ABCA9: variants seen among roughly 807,000 people sequenced by gnomAD.
ABCA9 encodes the protein ATP binding cassette subfamily A member 9.
Under a neutral mutation model 205.3 loss-of-function variants are expected in ABCA9, and 183 were observed. The ratio of observed to expected loss-of-function variants is 0.89; its 90% CI spans 0.79 to 1.01. ABCA9 has a LOEUF of 1.01. ABCA9 is among the 50% of genes least tolerant of loss of function. The probability of loss-of-function intolerance (pLI) is 0.00; values close to 1 mark genes in which losing one functional copy is unlikely to be tolerated. For missense variants in ABCA9, 1,805 were observed against 1,912.4 expected, an observed-to-expected ratio of 0.94 and a Z score of 1.05; for synonymous variants, 651 against 683.3, an observed-to-expected ratio of 0.95 and a Z score of 0.74.
chr17:69,035,459 T>C, intron 7 of ABCA9, 28 bp from the exon 8 acceptor site: 2 of 1,523,502 alleles, frequency 1.3e-6, no homozygotes, highest in East Asian at 2.3e-5. Context: ...CTTCAGCTGG[T>C]ATATAATTCT....
the ABCA9 span, chr17:69,078,666 T>C: frequency 5.0e-6 from 1 of 200,738 alleles, no homozygotes; most frequent in Non-Finnish European, 9.9e-6. Context: ...CAAGAGAATG[T>C]TTTGTAAAAG....
At chr17:69,028,476 A>G in intron 12 of ABCA9, 59 bp downstream of exon 12, 1 of 1,238,554 alleles carries the variant, frequency 8.1e-7, no homozygotes, top group Non-Finnish European at 1.1e-6. Flanking sequence ...CAGTTAAATA[A>G]TTAAATGCAT....
intron 37 of ABCA9, among the ~76,000 whole-genome samples, chr17:68,978,956 G>A (rs1467459963): frequency 1.3e-5 from 2 of 151,984 alleles, no homozygotes; most frequent in Non-Finnish European, 2.9e-5. Flanking sequence ...GCAGGAGAAG[G>A]AAATAAAGGG....
At chr17:69,078,189 T>A in the ABCA9 span, among the ~76,000 whole-genome samples, 2 of 145,970 alleles carry the variant, frequency 1.4e-5, no homozygotes, top group East Asian at 4.2e-4. Flanking sequence ...ACTTGTGAGG[T>A]TTTTTGGTTT....
At position 69,033,713 on chromosome 17, in the gene ABCA9, T is replaced by G. The variant is rs773822789; in HGVS notation, c.1276+13A>C. ...TTGAAATTGTGTTAAATTACAGCCA[T>G]GTTAGTACTTACCGGGCAAAATTTT... On this transcript the variant is annotated intron_variant, in intron 9 of 38. Transcript: ENST00000340001. 1 of 1,595,518 alleles carries G rather than the reference T, an allele frequency of 6.3e-7. No homozygotes were observed. Among genetic ancestry groups the G allele is most frequent in the Non-Finnish European group, 8.6e-7 (1 of 1,167,340 alleles).
intron 15 of ABCA9, 95 bp downstream of exon 15, chr17:69,026,881 C>A: frequency 1.4e-6 from 2 of 1,443,678 alleles, no homozygotes; most frequent in Admixed American, 4.2e-5. Flanking sequence ...TGGGCCATGG[C>A]AGTTCCAGGG....
At chr17:68,989,256 T>TCTGTCACA (rs138281321) in intron 30 of ABCA9, 138 bp from the exon 31 acceptor site, 1 of 241,064 alleles carries the variant, frequency 4.1e-6, no homozygotes, top group East Asian at 6.5e-5. Flanking sequence ...TCTCTCTCTC[T>TCTGTCACA]CACACACACA....
rs560943194 is a variant in ABCA9, at chr17:68,982,601, C to T, written c.4681G>A (p.Val1561Met). 3.2e-5 allele frequency: 52 copies of T among 1,614,004 alleles called. No homozygotes were observed. Among genetic ancestry groups the T allele is most frequent in the Non-Finnish European group, 4.1e-5 (48 of 1,179,990 alleles). The part of the protein sequence containing the change: ...LMVYKLPVED[V>M]RPLSQAFFKL... The stretch of plus-strand genomic sequence containing the variant: ...AAGAAAGCCTGTGATAAAGGTCGCA[C>T]ATCCTCAACAGGCAACTTATAGACC... Residue 1561 changes from valine to methionine, a missense_variant, in exon 37 of 39, where the codon GTG (valine) becomes ATG (methionine). Val to Met is a conservative substitution (Grantham distance 21). Coordinates refer to ENST00000340001, the MANE Select transcript of ABCA9 (RefSeq NM_080283.4).
In ABCA9 at chr17:69,020,397, A is replaced by G. The variant is rs201594953; in HGVS notation, c.2591T>C (p.Leu864Pro). The G allele has an allele frequency of 3.7e-5, 59 of 1,613,094 alleles. 1 individual carries two copies. In the Middle Eastern group the frequency reaches 2.5e-3, roughly 68 times the overall value. Residue 864 changes from leucine (L) to proline (P), a missense_variant, in exon 19 of 39, where the codon CTG becomes CCG. Transcript: ENST00000340001. ...ACACTCAGATACTCACATAGTCCAC[A>G]GGCTTTTTCTTTCTTTCTTTAACTT... is the stretch of plus-strand genomic sequence containing the variant. The part of the protein sequence containing the change: ...FLKLKKERKS[L>P]WTILLLFGIS...
At chr17:68,976,313 A>G in intron 37 of ABCA9, 123 bp from the exon 38 acceptor site, 1 of 821,184 alleles carries the variant, frequency 1.2e-6, no homozygotes, top group Non-Finnish European at 2.0e-6. Flanking sequence ...AAGTATTCTT[A>G]GACTAAATAT....
intron 19 of ABCA9, among the ~76,000 whole-genome samples, chr17:69,018,923 T>C (rs898563419): frequency 6.6e-6 from 1 of 152,140 alleles, no homozygotes; most frequent in African/African-American, 2.4e-5. Flanking sequence ...GGCATATCAC[T>C]AACACCCATA....
chr17:68,978,753 C>A lies in ABCA9; in HGVS notation c.4721-2563G>T, dbSNP rs1381792558. ...GCTTAGTTTGGCTGAATATGAAATT[C>A]TCTCAATAAATTAGGTATTGATGGG... On this transcript the variant is annotated intron_variant, in intron 37 of 38. Transcript: ENST00000340001. 2.0e-5 allele frequency among the ~76,000 whole-genome samples: 3 copies of A among 152,148 alleles called. No individual in the cohort carries two copies. In the East Asian group the frequency reaches 5.8e-4, roughly 29 times the overall value.
intron 10 of ABCA9, 44 bp downstream of exon 10, chr17:69,032,064 T>A (rs1187113078): frequency 6.4e-7 from 1 of 1,555,876 alleles, no homozygotes; most frequent in African/African-American, 1.4e-5. Context: ...ATCCCCAGTC[T>A]CTGCCTGTTC....
the ABCA9 span, among the ~76,000 whole-genome samples, chr17:69,075,503 C>G: frequency 6.6e-6 from 1 of 152,078 alleles, no homozygotes; most frequent in African/African-American, 2.4e-5. Flanking sequence ...AATACGGAGT[C>G]CTTTCCCGAT....
At chr17:68,999,126 T>C (rs116817286) in intron 25 of ABCA9, among the ~76,000 whole-genome samples, 5 of 143,486 alleles carry the variant, frequency 3.5e-5, no homozygotes, top group African/African-American at 1.5e-4. Context: ...ATCTTTTTAT[T>C]ATTATTATTA....
In ABCA9 at chr17:68,990,685, G is replaced by A. The variant is rs1414384241; in HGVS notation, c.3837+152C>T. On this transcript the variant is annotated intron_variant, in intron 29 of 38. Coordinates refer to ENST00000340001, the MANE Select transcript of ABCA9 (RefSeq NM_080283.4). The stretch of plus-strand genomic sequence containing the variant: ...GTGTTTTCTTTGCTCTCTTACATTT[G>A]TGGGCCTTGCATACCTGCTGAAGTC... 1.8e-5 allele frequency: 15 copies of A among 844,576 alleles called. No homozygotes were observed. The Admixed American group carries it at 4.1e-4, about 23-fold the overall frequency. 52.3% of individuals were successfully genotyped at this position (844,576 alleles called of 1,614,324 possible). A position where few individuals can be genotyped will look rare whatever the true frequency, so the allele number is the denominator to read the frequency against.
upstream of ABCA9, among the ~76,000 whole-genome samples, chr17:69,061,743 C>A (rs966096116): frequency 1.3e-5 from 2 of 151,000 alleles, no homozygotes; most frequent in Non-Finnish European, 2.9e-5. Context: ...AGATGCCATT[C>A]TGTCTATTTT....
In ABCA9 at chr17:69,035,717, G is replaced by A; in HGVS notation, c.885C>T (p.Val295=). The A allele has an allele frequency of 1.9e-6, 3 of 1,613,626 alleles. No individual in the cohort carries two copies. The highest frequency in any genetic ancestry group is 4.5e-5 in the East Asian group (2 of 44,788). Residue 295 remains valine, a synonymous_variant, in exon 7 of 39, where the codon GTC becomes GTT. Transcript: ENST00000340001. ...AGACCATCACAAAACCAGTCAGGAC[G>A]ACAATTTGTGCAGATTTTACAATAA... ...MALIVKSAQI[V]VLTGFVMVFT... is the part of the protein sequence containing the mutation.
intron 6 of ABCA9, among the ~76,000 whole-genome samples, chr17:69,041,001 T>G (rs2071517577): frequency 1.3e-5 from 2 of 151,872 alleles, no homozygotes; most frequent in East Asian, 1.9e-4. Flanking sequence ...TATATAATCC[T>G]GAGAGGTAGT....
Sources: gnomAD v4.1 joint callset for allele counts (sites outside exome capture counted in the v4.1 genomes callset) on GRCh38, gnomAD v4.1.1 for gene constraint, MANE v1.5 for transcripts, NCBI Gene and HGNC (gene_info 2026-07-23, HGNC 2026-07-21) for gene names.